HYDIN: variants seen among roughly 807,000 people sequenced by gnomAD.
HYDIN encodes axonemal central pair apparatus protein HYDIN.
HYDIN carries 132 observed loss-of-function variants against 403.9 expected under a neutral mutation model. That is an observed-to-expected ratio of 0.33 (90% CI 0.28 to 0.38). The LOEUF is 0.38. Ranked by LOEUF, HYDIN falls within the 10% of genes least tolerant of loss-of-function variation. The pLI, the probability that HYDIN is intolerant of heterozygous loss-of-function variation, is 1.00. For synonymous variants in HYDIN, 1,202 were observed against 1,891.7 expected, an observed-to-expected ratio of 0.64 and a Z score of 9.46; for missense variants, 2,827 against 5,009.5, an observed-to-expected ratio of 0.56 and a Z score of 13.15.
rs68148305 is a variant in HYDIN at position 71,118,077 on chromosome 16, A to AC, written c.1228-2283dup. On this transcript the variant is annotated intron_variant, in intron 9 of 85. Transcript: ENST00000393567. ...GAAGTCAAGTACTTCTTCCTCTGTG[A>AC]CCCCCTCTGGGCTGTATTTATATAG... 8.2e-4 allele frequency among the ~76,000 whole-genome samples: 124 copies of AC among 151,380 alleles called. 1 individual carries two copies. The highest frequency in any genetic ancestry group is 2.9e-3 in the African/African-American group (119 of 40,860).
intron 2 of HYDIN, among the ~76,000 whole-genome samples, chr16:71,185,893 C>T (rs1322458358): frequency 6.6e-6 from 1 of 152,060 alleles, no homozygotes; most frequent in African/African-American, 2.4e-5. Context: ...TTTAAAAATG[C>T]TTATTTTTCT....
At position 71,069,451 on chromosome 16, in the gene HYDIN, A is replaced by G; in HGVS notation, c.1790T>C (p.Met597Thr). 6.2e-7 allele frequency: 1 copy of G among 1,613,956 alleles called. No homozygotes were observed. Among genetic ancestry groups the G allele is most frequent in the Non-Finnish European group, 8.5e-7 (1 of 1,179,910 alleles). Residue 597 changes from methionine (M) to threonine (T), a missense_variant, in exon 14 of 86, where the codon ATG (methionine) becomes ACG (threonine). By Grantham distance (81) the Met-to-Thr change is moderately conservative. Transcript: ENST00000393567. ...CCCAGGGATACGCAGTTTGTAAGTC[A>G]TGGGGATCAAAGAGGTATTATTGAG... ...CSLNNTSLIPMTYKLRIPGDG... is the reference protein window; with the variant it reads ...CSLNNTSLIPTTYKLRIPGDG...
intron 18 of HYDIN, among the ~76,000 whole-genome samples, chr16:71,054,167 T>C (rs1384129847): frequency 6.6e-6 from 1 of 152,288 alleles, no homozygotes; most frequent in African/African-American, 2.4e-5. Flanking sequence ...AATAGTATAT[T>C]GTAAATTCAC....
chr16:70,896,190 T>G, intron 53 of HYDIN, 110 bp from the exon 54 acceptor site: 1 of 1,355,642 alleles, frequency 7.4e-7, no homozygotes, highest in Non-Finnish European at 9.8e-7. Context: ...TGAAGTGTAT[T>G]CCCCTGTAGG....
rs767355239 is a variant in HYDIN at position 70,874,808 on chromosome 16, C to T, written c.10660+9G>A. The T allele has an allele frequency of 1.9e-6, 3 of 1,612,026 alleles. No individual in the cohort carries two copies. The highest frequency in any genetic ancestry group is 4.5e-5 in the East Asian group (2 of 44,824). ...CATTGCCCTCTAGAAGCACCCTCCC[C>T]ACACTTACCTTTTACATGTGGTTTA... On this transcript the variant is annotated intron_variant, in intron 63 of 85. Transcript: ENST00000393567.
chr16:70,847,200 T>C (rs1166446976), intron 75 of HYDIN, among the ~76,000 whole-genome samples: 3 of 152,200 alleles, frequency 2.0e-5, no homozygotes, highest in Admixed American at 6.5e-5. Flanking sequence ...TGCTCTTATA[T>C]AGCTCTGTTA....
intron 3 of HYDIN, among the ~76,000 whole-genome samples, chr16:71,180,533 T>C (rs1446593931): frequency 6.6e-6 from 1 of 152,074 alleles, no homozygotes; most frequent in Non-Finnish European, 1.5e-5. Context: ...TAGCATAACC[T>C]CCTTTATATA....
chr16:71,223,629 G>GAA (rs34882416), intron 1 of HYDIN, among the ~76,000 whole-genome samples: 1 of 144,378 alleles, frequency 6.9e-6, no homozygotes, highest in Admixed American at 6.8e-5. Context: ...AAATCAGCAA[G>GAA]AAAAAAAAAA....
intron 6 of HYDIN, among the ~76,000 whole-genome samples, chr16:71,156,755 CTTGT>C (rs1178511573): frequency 2.0e-5 from 3 of 151,700 alleles, no homozygotes; most frequent in Non-Finnish European, 4.4e-5. Context: ...GATGATCTTT[CTTGT>C]TTAATTCCTT....
intron 8 of HYDIN, among the ~76,000 whole-genome samples, chr16:71,134,319 C>T (rs2084827473): frequency 6.6e-6 from 1 of 151,676 alleles, no homozygotes; most frequent in Admixed American, 6.5e-5. Flanking sequence ...ACAGGCTCTT[C>T]AGTCTGACCT....
At chr16:71,217,757 G>A (rs1010089698) in intron 1 of HYDIN, among the ~76,000 whole-genome samples, 3 of 152,144 alleles carry the variant, frequency 2.0e-5, no homozygotes, top group Non-Finnish European at 4.4e-5. Flanking sequence ...TATGCTCATG[G>A]CAAACAAAAC....
intron 30 of HYDIN, among the ~76,000 whole-genome samples, chr16:70,978,083 C>T (rs2078938582): frequency 6.6e-6 from 1 of 152,076 alleles, no homozygotes; most frequent in Non-Finnish European, 1.5e-5. Flanking sequence ...GCACAGAAAT[C>T]TCACATTCGG....
At chr16:71,026,832 T>A (rs1363072098) in intron 20 of HYDIN, among the ~76,000 whole-genome samples, 1 of 152,132 alleles carries the variant, frequency 6.6e-6, no homozygotes, top group Non-Finnish European at 1.5e-5. Context: ...CAAAGTTCTT[T>A]TTGCTTCCTA....
Position 70,974,771 on chromosome 16 carries a change from G to A in HYDIN, c.4773-101C>T, listed in dbSNP as rs565538145. 9.1e-6 allele frequency: 6 copies of A among 660,696 alleles called. No homozygotes were observed. The East Asian group carries it at 1.6e-4, about 18-fold the overall frequency. 40.9% of individuals were successfully genotyped at this position (660,696 alleles called of 1,614,324 possible). On this transcript the variant is annotated intron_variant, in intron 31 of 85. Transcript: ENST00000393567. ...TTTTTTTTTCTACCTCCTGTGCACA[G>A]TTTTATTCTCCAGAGTGGAGAACAA...
intron 83 of HYDIN, among the ~76,000 whole-genome samples, chr16:70,822,680 G>T (rs2036342153): frequency 6.6e-6 from 1 of 152,098 alleles, no homozygotes; most frequent in Non-Finnish European, 1.5e-5. Context: ...AATTGCCACA[G>T]TCACCCCCAC....
At chr16:70,921,694 TC>T (rs2076999699) in intron 45 of HYDIN, among the ~76,000 whole-genome samples, 1 of 152,064 alleles carries the variant, frequency 6.6e-6, no homozygotes, top group African/African-American at 2.4e-5. Context: ...TAATACCTAC[TC>T]CAGAGGACTC....
intron 23 of HYDIN, among the ~76,000 whole-genome samples, chr16:70,992,561 A>G (rs2079392871): frequency 6.7e-6 from 1 of 148,796 alleles, no homozygotes; most frequent in African/African-American, 2.5e-5. Flanking sequence ...CTGGCCTGGA[A>G]TAAGTAGTCG....
intron 5 of HYDIN, among the ~76,000 whole-genome samples, chr16:71,163,488 T>G (rs1386066572): frequency 6.6e-6 from 1 of 152,160 alleles, no homozygotes; most frequent in African/African-American, 2.4e-5. Flanking sequence ...AGCTCCTCCA[T>G]CAAGTAATGA....
chr16:70,905,226 C>T (rs1256476964), intron 50 of HYDIN, among the ~76,000 whole-genome samples: 2 of 151,912 alleles, frequency 1.3e-5, no homozygotes, highest in African/African-American at 4.8e-5. Context: ...CTCACTTAAC[C>T]GCTAATCACT....
Sources: allele counts gnomAD v4.1 joint callset (sites outside exome capture counted in the v4.1 genomes callset), GRCh38; gene constraint gnomAD v4.1.1; transcripts MANE v1.5; gene names NCBI Gene and HGNC (gene_info 2026-07-23, HGNC 2026-07-21).